The following PRIM2 variants were observed in gnomAD, a reference collection of about 807,000 sequenced individuals.
PRIM2 encodes DNA primase large subunit.
PRIM2 carries 39 observed loss-of-function variants against 67.3 expected under a neutral mutation model. That is an observed-to-expected ratio of 0.58 (90% CI 0.45 to 0.76). The LOEUF (loss-of-function observed/expected upper bound fraction) is 0.76, where lower values mean the gene tolerates loss of function less well. Ranked by LOEUF, PRIM2 falls within the 30% of genes least tolerant of loss-of-function variation. The pLI is 0.00. For synonymous variants in PRIM2, 143 were observed against 198.7 expected, an observed-to-expected ratio of 0.72 and a Z score of 2.36; for missense variants, 398 against 598.7, an observed-to-expected ratio of 0.66 and a Z score of 3.50.
chr6:57,274,042 G>A, the PRIM2 span, among the ~76,000 whole-genome samples: 1 of 152,186 alleles, frequency 6.6e-6, no homozygotes, highest in South Asian at 2.1e-4. Flanking sequence ...CCCCTACTGG[G>A]GGGTGCCTCC....
intron 7 of PRIM2, among the ~76,000 whole-genome samples, chr6:57,472,397 A>AAC (rs1368895137): frequency 6.6e-5 from 10 of 151,360 alleles, no homozygotes; most frequent in Non-Finnish European, 1.3e-4. Context: ...GTGTGTCAAA[A>AAC]AAAAAAAAAA....
chr6:57,310,643 C>T (rs180980571), upstream of PRIM2, among the ~76,000 whole-genome samples: 257 of 150,430 alleles, frequency 1.7e-3, no homozygotes, highest in Non-Finnish European at 2.3e-3. Flanking sequence ...GGGTGGCGGC[C>T]GGGCAGAGGC....
At chr6:57,329,797 C>T (rs1202617203) in intron 5 of PRIM2, among the ~76,000 whole-genome samples, 1 of 152,118 alleles carries the variant, frequency 6.6e-6, no homozygotes, top group Non-Finnish European at 1.5e-5. Flanking sequence ...TGAGAACAGA[C>T]TAATACAACT....
chr6:57,418,861 T>C, intron 7 of PRIM2, among the ~76,000 whole-genome samples: 1 of 152,144 alleles, frequency 6.6e-6, no homozygotes, highest in Non-Finnish European at 1.5e-5. Flanking sequence ...AACCTGATTA[T>C]CTTTTGTATT....
chr6:57,416,533 C>A (rs13191214), intron 7 of PRIM2, among the ~76,000 whole-genome samples: 1 of 152,166 alleles, frequency 6.6e-6, no homozygotes, highest in African/African-American at 2.4e-5. Context: ...ATGAGCCTGT[C>A]CTTTGAAGCT....
chr6:57,483,356 A>T (rs1192163218), intron 7 of PRIM2, among the ~76,000 whole-genome samples: 3 of 152,258 alleles, frequency 2.0e-5, no homozygotes, highest in Non-Finnish European at 4.4e-5. Context: ...TGCCAACAGC[A>T]TTAACAATAT....
chr6:57,265,524 G>A, the PRIM2 span, among the ~76,000 whole-genome samples: 7,432 of 152,136 alleles, frequency 0.049, 387 homozygotes, highest in African/African-American at 0.13. Flanking sequence ...TACGGTAGAC[G>A]CTCAACCACT....
the PRIM2 span, among the ~76,000 whole-genome samples, chr6:57,269,854 G>A: frequency 6.6e-6 from 1 of 152,184 alleles, no homozygotes; most frequent in Non-Finnish European, 1.5e-5. Context: ...CATATGGCTA[G>A]CCAGTTTTCC....
At chr6:57,237,593 T>A in the PRIM2 span, among the ~76,000 whole-genome samples, 1 of 152,176 alleles carries the variant, frequency 6.6e-6, no homozygotes, top group Admixed American at 6.5e-5. Context: ...AATTTTTGTA[T>A]AAGGTGTAAG....
At chr6:57,452,028 C>A (rs34511884) in intron 7 of PRIM2, among the ~76,000 whole-genome samples, 2 of 150,526 alleles carry the variant, frequency 1.3e-5, no homozygotes, top group African/African-American at 2.4e-5. Context: ...TGAGAACATG[C>A]GGTGTTTGGG....
At chr6:57,616,016 C>T (rs1302385453) in intron 12 of PRIM2, among the ~76,000 whole-genome samples, 1 of 152,190 alleles carries the variant, frequency 6.6e-6, no homozygotes, top group African/African-American at 2.4e-5. Flanking sequence ...TTGCTGCCTA[C>T]AGACTAATCT....
intron 7 of PRIM2, among the ~76,000 whole-genome samples, chr6:57,476,409 C>T (rs1202181749): frequency 6.6e-6 from 1 of 152,144 alleles, no homozygotes; most frequent in Non-Finnish European, 1.5e-5. Flanking sequence ...CCCTGATAAG[C>T]TTTACATAAA....
chr6:57,443,647 T>C (rs948436228), intron 7 of PRIM2, among the ~76,000 whole-genome samples: 2 of 152,226 alleles, frequency 1.3e-5, no homozygotes, highest in African/African-American at 4.8e-5. Context: ...TTGAGCTTCT[T>C]ATGCATTTTG....
At chr6:57,265,605 G>A in the PRIM2 span, among the ~76,000 whole-genome samples, 1 of 152,150 alleles carries the variant, frequency 6.6e-6, no homozygotes, top group African/African-American at 2.4e-5. Context: ...TGCATTTAGT[G>A]ATTTGATTTG....
the PRIM2 span, among the ~76,000 whole-genome samples, chr6:57,244,579 G>A: frequency 6.6e-6 from 1 of 152,074 alleles, no homozygotes; most frequent in African/African-American, 2.4e-5. Flanking sequence ...TGAACAACAT[G>A]GATTAAACCC....
chr6:57,607,696 G>A (rs1776587910), intron 12 of PRIM2, among the ~76,000 whole-genome samples: 2 of 151,958 alleles, frequency 1.3e-5, no homozygotes, highest in Non-Finnish European at 2.9e-5. Context: ...TATTTGATAA[G>A]GAATCTAGAA....
the PRIM2 span, among the ~76,000 whole-genome samples, chr6:57,303,939 T>A: frequency 1.3e-5 from 2 of 152,174 alleles, no homozygotes; most frequent in African/African-American, 4.8e-5. Context: ...CCCGCCCACT[T>A]CTGTCTTTAT....
At chr6:57,303,865 C>T in the PRIM2 span, among the ~76,000 whole-genome samples, 1 of 152,126 alleles carries the variant, frequency 6.6e-6, no homozygotes, top group Non-Finnish European at 1.5e-5. Context: ...GAACTCGTGA[C>T]CTCAAGTGGT....
chr6:57,418,396 T>TTTTTTTTTTTTTTTTTTTTTTA (rs1771350017), intron 7 of PRIM2, among the ~76,000 whole-genome samples: 1 of 120,250 alleles, frequency 8.3e-6, no homozygotes, highest in Non-Finnish European at 1.7e-5. Flanking sequence ...TTTTTTTTTT[T>TTTTTTTTTTTTTTTTTTTTTTA]TTTTTTTTTT....
Sources: allele counts gnomAD v4.1 joint callset (sites outside exome capture counted in the v4.1 genomes callset), GRCh38; gene constraint gnomAD v4.1.1; transcripts MANE v1.5; gene names NCBI Gene and HGNC (gene_info 2026-07-23, HGNC 2026-07-21).